Variants in PIGU observed in about 807,000 individuals in gnomAD.
The protein encoded by PIGU is phosphatidylinositol glycan anchor biosynthesis class U, also known as GPI-anchor transamidase component PIGU.
In PIGU, 24 loss-of-function variants were observed where a neutral mutation model predicts 49.9. The ratio of observed to expected loss-of-function variants is 0.48; its 90% confidence interval spans 0.35 to 0.68. The LOEUF (loss-of-function observed/expected upper bound fraction) is 0.68. PIGU is among the 30% of genes least tolerant of loss of function. PIGU has a pLI of 0.01. For synonymous variants in PIGU, 220 were observed against 205.7 expected (o/e 1.07, Z -0.59); for missense variants, 490 against 532.6 (o/e 0.92, Z 0.79).
At chr20:34,607,801 A>G in intron 7 of PIGU, among the ~76,000 whole-genome samples, 1 of 152,098 alleles carries the variant, frequency 6.6e-6, no homozygotes, top group East Asian at 1.9e-4. Flanking sequence ...AGTCTGTGCC[A>G]TGGGACTGCA....
At chr20:34,636,785 C>G (rs1279818731) in intron 5 of PIGU, among the ~76,000 whole-genome samples, 1 of 152,064 alleles carries the variant, frequency 6.6e-6, no homozygotes. Context: ...AAATAAAGAC[C>G]TTAAATCCAA....
intron 4 of PIGU, among the ~76,000 whole-genome samples, chr20:34,639,266 TG>T (rs1179962704): frequency 1.2e-4 from 18 of 151,942 alleles, no homozygotes; most frequent in Admixed American, 3.9e-4. Flanking sequence ...CTGGGCATGG[TG>T]GCGGGCACCT....
intron 11 of PIGU, among the ~76,000 whole-genome samples, chr20:34,572,974 G>A (rs1213596916): frequency 1.3e-5 from 2 of 152,138 alleles, no homozygotes; most frequent in African/African-American, 4.8e-5. Context: ...AGAAAATGAT[G>A]GGGGCTCAGG....
chr20:34,664,060 T>C (rs1216260360), intron 1 of PIGU, among the ~76,000 whole-genome samples: 1 of 152,250 alleles, frequency 6.6e-6, no homozygotes, highest in Non-Finnish European at 1.5e-5. Flanking sequence ...GCCTGGAGTG[T>C]GGCTCTGCTA....
intron 1 of PIGU, among the ~76,000 whole-genome samples, chr20:34,671,463 A>G (rs1002985620): frequency 6.6e-6 from 1 of 151,792 alleles, no homozygotes; most frequent in Non-Finnish European, 1.5e-5. Flanking sequence ...GGGTTTCTCC[A>G]TGTCGGTCAG....
chr20:34,645,030 A>G (rs530879234), intron 3 of PIGU, among the ~76,000 whole-genome samples: 2 of 152,096 alleles, frequency 1.3e-5, no homozygotes, highest in Admixed American at 6.6e-5. Context: ...CTGAGTTCCT[A>G]TGTTTTTTGT....
At position 34,631,756 on chromosome 20, in the gene PIGU, TATATATATATATATATATATATATATA is replaced by T. The variant is rs1568649365; in HGVS notation, c.529+2832_529+2858del. Among the ~76,000 whole-genome samples, 4 of 4,732 alleles carry T rather than the reference TATATATATATATATATATATATATATA, an allele frequency of 8.5e-4. 1 individual carries two copies. Among genetic ancestry groups the T allele is most frequent in the Admixed American group, 2.4e-3 (1 of 414 alleles). The allele number at this position is 4,732 out of a possible 152,430, so 3.1% of individuals were successfully genotyped here. On this transcript the variant is annotated intron_variant, in intron 6 of 11. Coordinates refer to ENST00000217446, the MANE Select transcript of PIGU (RefSeq NM_080476.5). Reference sequence around the variant, plus strand: ...ATATATATATATATATATATATATATATATATATATATATATATATATATATATATTTTTTTTTTTTTTTTTTTTTTT... The same window carrying T: ...ATATATATATATATATATATATATATTATTTTTTTTTTTTTTTTTTTTTTT...
intron 2 of PIGU, among the ~76,000 whole-genome samples, chr20:34,650,698 C>CTTTTTTTTTTTTTT (rs1568658806): frequency 6.8e-5 from 3 of 43,948 alleles, no homozygotes; most frequent in African/African-American, 1.6e-4. Context: ...TTCTTTTTTT[C>CTTTTTTTTTTTTTT]TCTTTTTTTT....
intron 2 of PIGU, 56 bp downstream of exon 2, chr20:34,657,124 G>T: frequency 7.7e-7 from 1 of 1,305,576 alleles, no homozygotes; most frequent in Admixed American, 1.8e-5. Flanking sequence ...TTAGGCTTTG[G>T]TATCTGTGAC....
chr20:34,588,317 T>C, intron 8 of PIGU, 136 bp downstream of exon 8: 2 of 808,474 alleles, frequency 2.5e-6, no homozygotes, highest in Non-Finnish European at 3.6e-6. Context: ...CAAATGGTAA[T>C]TCTATTTTTA....
chr20:34,577,651 G>C (rs1019122898), intron 10 of PIGU, among the ~76,000 whole-genome samples: 1 of 152,200 alleles, frequency 6.6e-6, no homozygotes, highest in African/African-American at 2.4e-5. Flanking sequence ...GAGAGGCAGA[G>C]GTTGCAGTGA....
At chr20:34,573,946 C>A (rs780368174) in intron 11 of PIGU, among the ~76,000 whole-genome samples, 1 of 152,256 alleles carries the variant, frequency 6.6e-6, no homozygotes, top group Non-Finnish European at 1.5e-5. Context: ...CCATCACTCA[C>A]TGAAAAAGCC....
intron 3 of PIGU, 108 bp downstream of exon 3, chr20:34,645,166 CA>C: frequency 8.3e-7 from 1 of 1,204,008 alleles, no homozygotes; most frequent in Non-Finnish European, 1.1e-6. Context: ...CCAGCCTGGG[CA>C]ACACAGTGAG....
intron 11 of PIGU, among the ~76,000 whole-genome samples, chr20:34,570,312 A>G (rs1167244447): frequency 1.3e-5 from 2 of 152,244 alleles, no homozygotes; most frequent in Non-Finnish European, 2.9e-5. Flanking sequence ...GTAAATGCAC[A>G]CAGAATGGTT....
chr20:34,604,459 T>C (rs1485764599), intron 7 of PIGU, among the ~76,000 whole-genome samples: 2 of 152,220 alleles, frequency 1.3e-5, no homozygotes, highest in African/African-American at 4.8e-5. Flanking sequence ...CCAGGAGATA[T>C]ATTTTGCATG....
chr20:34,577,416 G>A (rs1160083758), intron 10 of PIGU, among the ~76,000 whole-genome samples: 4 of 152,064 alleles, frequency 2.6e-5, no homozygotes, highest in African/African-American at 2.4e-5. Context: ...CTCAACTCCC[G>A]CTACAAAACA....
Position 34,616,124 on chromosome 20 carries a change from C to T in PIGU, c.545G>A (p.Ser182Asn), listed in dbSNP as rs1305424723. ...LTTIKGSAFL[S>N]AIFLALATYQ... ...TGTCGCTAAGGCAAGAAAAATAGCACTGAGGAAAGCACTGCCTGTAAAAAG... is the reference window on the plus strand; with the variant it reads ...TGTCGCTAAGGCAAGAAAAATAGCATTGAGGAAAGCACTGCCTGTAAAAAG... Residue 182 changes from serine (S) to asparagine (N), a missense_variant, in exon 7 of 12, where the codon AGT becomes AAT. Physicochemically the swap from Ser to Asn is conservative, Grantham distance 46. Transcript: ENST00000217446. 6.2e-7 allele frequency: 1 copy of T among 1,612,564 alleles called. No homozygotes were observed. The highest frequency in any genetic ancestry group is 8.5e-7 in the Non-Finnish European group (1 of 1,179,432).
intron 7 of PIGU, among the ~76,000 whole-genome samples, chr20:34,599,641 G>A (rs1984336484): frequency 6.6e-6 from 1 of 152,152 alleles, no homozygotes; most frequent in Admixed American, 6.5e-5. Context: ...AGTTGAGGCT[G>A]AAACTAACTG....
At chr20:34,579,947 A>G (rs1332173138) in intron 10 of PIGU, among the ~76,000 whole-genome samples, 3 of 152,218 alleles carry the variant, frequency 2.0e-5, no homozygotes, top group East Asian at 1.9e-4. Flanking sequence ...TTCTTTCTCA[A>G]ACTTAACACA....
Sources: allele counts gnomAD v4.1 joint callset (sites outside exome capture counted in the v4.1 genomes callset), GRCh38; gene constraint gnomAD v4.1.1; transcripts MANE v1.5; gene names NCBI Gene and HGNC (gene_info 2026-07-23, HGNC 2026-07-21).